The following NRG1 variants were observed in gnomAD, a reference collection of about 807,000 sequenced individuals.
NRG1 encodes the protein neuregulin 1.
In NRG1, 18 loss-of-function variants were observed where a neutral mutation model predicts 63.8. The observed-to-expected ratio is 0.28, with a 90% CI of 0.19 to 0.42. The LOEUF is 0.42. NRG1 is among the 10% of genes least tolerant of loss of function. The pLI is 1.00. For synonymous variants in NRG1, 302 were observed against 301.3 expected (o/e 1.00, Z -0.02); for missense variants, 762 against 814.7 (o/e 0.94, Z 0.79).
chr8:32,085,104 G>T (rs1351665266), intron 1 of NRG1, among the ~76,000 whole-genome samples: 1 of 152,192 alleles, frequency 6.6e-6, no homozygotes, highest in East Asian at 1.9e-4. Context: ...AGGAGGGAAA[G>T]AAATATCTGT....
Position 32,425,442 on chromosome 8 carries a change from G to T in NRG1, c.38-170386G>T, listed in dbSNP as rs529098849. On this transcript the variant is annotated intron_variant, in intron 1 of 10. Transcript: ENST00000519301. ...AGACTCTAATTTGCAATGGCTATGTGTCTGTTTGATTTAGATCAGGGGTTA... is the reference window on the plus strand; with the variant it reads ...AGACTCTAATTTGCAATGGCTATGTTTCTGTTTGATTTAGATCAGGGGTTA... Among the ~76,000 whole-genome samples the T allele has an allele frequency of 2.6e-5, 4 of 152,260 alleles. No homozygotes were observed. In the East Asian group the frequency reaches 7.7e-4, roughly 29 times the overall value.
At chr8:32,337,040 C>A (rs1011134543) in intron 1 of NRG1, among the ~76,000 whole-genome samples, 1 of 152,118 alleles carries the variant, frequency 6.6e-6, no homozygotes, top group African/African-American at 2.4e-5. Context: ...AACAGGGGCT[C>A]ACCCTGTCTC....
At chr8:31,727,341 C>G (rs980421647) in intron 1 of NRG1, among the ~76,000 whole-genome samples, 3 of 152,170 alleles carry the variant, frequency 2.0e-5, no homozygotes, top group Non-Finnish European at 4.4e-5. Context: ...GCTCGCAGAG[C>G]TAATATTCTC....
intron 1 of NRG1, among the ~76,000 whole-genome samples, chr8:31,809,505 G>A (rs1457415746): frequency 6.7e-6 from 1 of 150,298 alleles, no homozygotes; most frequent in Non-Finnish European, 1.5e-5. Flanking sequence ...TCATGTGCTT[G>A]TCCTATAATC....
intron 1 of NRG1, among the ~76,000 whole-genome samples, chr8:31,859,455 G>A (rs973833612): frequency 8.5e-5 from 13 of 152,062 alleles, no homozygotes; most frequent in East Asian, 1.9e-4. Flanking sequence ...TCTGAAGCTC[G>A]TTCGTAAACC....
chr8:32,286,191 A>G (rs944579414), intron 1 of NRG1, among the ~76,000 whole-genome samples: 1 of 152,200 alleles, frequency 6.6e-6, no homozygotes, highest in Non-Finnish European at 1.5e-5. Context: ...TCAGCTGGAT[A>G]TTGCTATAAA....
At chr8:32,647,871 G>C (rs146016234) in intron 5 of NRG1, 2 of 1,614,124 alleles carry the variant, frequency 1.2e-6, no homozygotes, top group Non-Finnish European at 1.7e-6. Context: ...CCCTGGACTC[G>C]TGGGCCTGGC....
At chr8:31,930,039 A>C (rs1763743056) in intron 1 of NRG1, among the ~76,000 whole-genome samples, 1 of 152,200 alleles carries the variant, frequency 6.6e-6, no homozygotes, top group African/African-American at 2.4e-5. Context: ...ATTCCTTGCC[A>C]GGTCAGTAGG....
intron 5 of NRG1, among the ~76,000 whole-genome samples, chr8:32,650,200 T>G (rs1429473317): frequency 1.3e-5 from 2 of 152,182 alleles, no homozygotes; most frequent in Non-Finnish European, 2.9e-5. Context: ...TTTAGTAGAT[T>G]ACATATTCCT....
intron 1 of NRG1, among the ~76,000 whole-genome samples, chr8:31,745,879 G>A (rs1265253151): frequency 6.6e-6 from 1 of 151,854 alleles, no homozygotes; most frequent in Admixed American, 6.6e-5. Context: ...GAGAGCTGGA[G>A]GTTATTTGAA....
rs1037016459 is a variant in NRG1 at position 31,783,882 on chromosome 8, A to G, written c.37+144451A>G. Among the ~76,000 whole-genome samples the G allele has an allele frequency of 3.3e-5, 5 of 152,358 alleles. No individual in the cohort carries two copies. The South Asian group carries it at 1.0e-3, about 32-fold the overall frequency. ...CTCATAATCATAATGGCTAACAATTATTGAGTCTAAATATATGCTAGGCAA... is the reference window on the plus strand; with the variant it reads ...CTCATAATCATAATGGCTAACAATTGTTGAGTCTAAATATATGCTAGGCAA... On this transcript the variant is annotated intron_variant, in intron 1 of 10. Coordinates refer to the NRG1 transcript ENST00000519301.
chr8:31,726,082 C>T (rs563951594), intron 1 of NRG1, among the ~76,000 whole-genome samples: 1 of 152,044 alleles, frequency 6.6e-6, no homozygotes, highest in Non-Finnish European at 1.5e-5. Flanking sequence ...GATAGAACAT[C>T]GACTGTGCCT....
intron 1 of NRG1, among the ~76,000 whole-genome samples, chr8:32,255,797 G>A (rs1454664866): frequency 6.6e-6 from 1 of 152,210 alleles, no homozygotes; most frequent in Non-Finnish European, 1.5e-5. Context: ...ATATCCTGAA[G>A]AGTGTTTTCC....
intron 1 of NRG1, among the ~76,000 whole-genome samples, chr8:32,109,754 G>A (rs1190472898): frequency 6.6e-6 from 1 of 152,054 alleles, no homozygotes; most frequent in African/African-American, 2.4e-5. Context: ...AAGAGTAATT[G>A]AGACCAACAT....
At chr8:32,188,019 C>A (rs1842129635) in intron 1 of NRG1, among the ~76,000 whole-genome samples, 1 of 152,034 alleles carries the variant, frequency 6.6e-6, no homozygotes, top group Non-Finnish European at 1.5e-5. Context: ...ACTGGAGCAT[C>A]TTAGCTGCAA....
intron 6 of NRG1, among the ~76,000 whole-genome samples, chr8:32,734,882 A>G (rs933410037): frequency 5.3e-5 from 8 of 152,332 alleles, no homozygotes; most frequent in African/African-American, 1.9e-4. Context: ...CTCATATGAG[A>G]CAGGCTCTGT....
chr8:31,827,349 G>C (rs1181428742), intron 1 of NRG1, among the ~76,000 whole-genome samples: 2 of 152,170 alleles, frequency 1.3e-5, no homozygotes, highest in South Asian at 2.1e-4. Context: ...GGCCATTTGA[G>C]TAAGACTTTC....
intron 1 of NRG1, among the ~76,000 whole-genome samples, chr8:32,064,009 A>T (rs2130938359): frequency 6.6e-6 from 1 of 152,104 alleles, no homozygotes; most frequent in African/African-American, 2.4e-5. Context: ...AGGGTGAGAA[A>T]CCTAAGTGTC....
chr8:32,346,419 T>C (rs1328503600), intron 1 of NRG1, among the ~76,000 whole-genome samples: 1 of 151,764 alleles, frequency 6.6e-6, no homozygotes, highest in African/African-American at 2.4e-5. Flanking sequence ...TATTTAGGGG[T>C]CCAGAAATGT....
Sources: allele counts gnomAD v4.1 joint callset (sites outside exome capture counted in the v4.1 genomes callset), GRCh38; gene constraint gnomAD v4.1.1; transcripts MANE v1.5; gene names NCBI Gene and HGNC (gene_info 2026-07-23, HGNC 2026-07-21).